Variants in MOB3B observed in about 807,000 individuals in gnomAD.
MOB3B encodes MOB kinase activator-like 2B.
Under a neutral mutation model 18.7 loss-of-function variants are expected in MOB3B, and 7 were observed. The observed-to-expected ratio is 0.37, with a 90% CI of 0.21 to 0.70. The LOEUF (loss-of-function observed/expected upper bound fraction) is 0.70, where lower values mean the gene tolerates loss of function less well. Among genes scored for constraint, MOB3B ranks in the 30% least tolerant of loss-of-function variants. The pLI is 0.52. For synonymous variants in MOB3B, 111 were observed against 99.9 expected (o/e 1.11, Z -0.66); for missense variants, 253 against 281.3 (o/e 0.90, Z 0.72).
chr9:27,413,324 G>T (rs1485998682), intron 2 of MOB3B, among the ~76,000 whole-genome samples: 1 of 152,014 alleles, frequency 6.6e-6, no homozygotes, highest in Admixed American at 6.5e-5. Context: ...TACTGAAATG[G>T]GACTTTTTTT....
At chr9:27,364,546 AAC>A (rs1306123971) in intron 2 of MOB3B, among the ~76,000 whole-genome samples, 4 of 152,220 alleles carry the variant, frequency 2.6e-5, no homozygotes, top group Admixed American at 6.5e-5. Flanking sequence ...ATTGATTTAA[AAC>A]ACAGAGTCTG....
chr9:27,420,868 GC>G (rs1262875063), intron 2 of MOB3B, among the ~76,000 whole-genome samples: 1 of 105,886 alleles, frequency 9.4e-6, no homozygotes, highest in African/African-American at 2.6e-5. Flanking sequence ...AATGGGTGCA[GC>G]AAAATCTCAC....
At chr9:27,361,543 G>A (rs1821274657) in intron 2 of MOB3B, among the ~76,000 whole-genome samples, 1 of 152,154 alleles carries the variant, frequency 6.6e-6, no homozygotes, top group Non-Finnish European at 1.5e-5. Context: ...CTCTGCCCAG[G>A]CCTTAAGACC....
rs552449725 is a variant in MOB3B, at chr9:27,395,702, C to T, written c.419-36466G>A. Among the ~76,000 whole-genome samples, 69 of 152,220 alleles carry T rather than the reference C, an allele frequency of 4.5e-4. 1 individual carries two copies. Among genetic ancestry groups the T allele is most frequent in the South Asian group, 6.2e-4 (3 of 4,822 alleles). On this transcript the variant is annotated intron_variant, in intron 2 of 3. Transcript: ENST00000262244. Reference sequence around the variant, plus strand: ...TCCTTTGTGTTTCTGTTTTCTTTTTCCTCCTCTACTTGCTAAGAAAGGCAA... The same window carrying T: ...TCCTTTGTGTTTCTGTTTTCTTTTTTCTCCTCTACTTGCTAAGAAAGGCAA...
In MOB3B at chr9:27,392,860, A is replaced by G. The variant is rs927264050; in HGVS notation, c.419-33624T>C. ...TCGTCATGACTATTAATGACCTTAC[A>G]TGGATTAATCAACTGACATACAGAA... is the stretch of plus-strand genomic sequence containing the variant. On this transcript the variant is annotated intron_variant, in intron 2 of 3. Coordinates refer to ENST00000262244, the MANE Select transcript of MOB3B (RefSeq NM_024761.5). 5.9e-5 allele frequency among the ~76,000 whole-genome samples: 9 copies of G among 152,312 alleles called. No individual in the cohort carries two copies. The East Asian group carries it at 7.7e-4, about 13-fold the overall frequency.
intron 2 of MOB3B, among the ~76,000 whole-genome samples, chr9:27,452,397 G>A (rs1038756039): frequency 2.6e-5 from 4 of 152,204 alleles, no homozygotes; most frequent in Admixed American, 2.6e-4. Context: ...ACTAGACAGA[G>A]AAGTGAGTGA....
intron 3 of MOB3B, among the ~76,000 whole-genome samples, chr9:27,353,178 G>T (rs1258268302): frequency 2.0e-5 from 3 of 152,174 alleles, no homozygotes; most frequent in African/African-American, 7.2e-5. Context: ...TCAACGTGTG[G>T]TCTGGGAACC....
At position 27,350,050 on chromosome 9, in the gene MOB3B, C is replaced by T. The variant is rs536436708; in HGVS notation, c.621+8984G>A. On this transcript the variant is annotated intron_variant, in intron 3 of 3. Coordinates refer to ENST00000262244, the MANE Select transcript of MOB3B (RefSeq NM_024761.5). ...GATATCCAATACAATAGCCACTAGA[C>T]ATGTGGCTTTTGAGCACTTAACATG... is the stretch of plus-strand genomic sequence containing the variant. Among the ~76,000 whole-genome samples the T allele has an allele frequency of 3.3e-5, 5 of 152,256 alleles. No homozygotes were observed. The East Asian group carries it at 7.7e-4, about 24-fold the overall frequency.
chr9:27,379,588 G>C (rs1388811025), intron 2 of MOB3B, among the ~76,000 whole-genome samples: 1 of 152,110 alleles, frequency 6.6e-6, no homozygotes, highest in Non-Finnish European at 1.5e-5. Flanking sequence ...GGGCTGTGAG[G>C]GCTGCAGATC....
At chr9:27,336,968 G>A (rs549945515) in intron 3 of MOB3B, among the ~76,000 whole-genome samples, 2 of 152,332 alleles carry the variant, frequency 1.3e-5, no homozygotes, top group African/African-American at 2.4e-5. Flanking sequence ...GGTATTGCAC[G>A]TTTCACAAAG....
chr9:27,369,776 A>C (rs1587161246), intron 2 of MOB3B, among the ~76,000 whole-genome samples: 1 of 152,106 alleles, frequency 6.6e-6, no homozygotes. Flanking sequence ...CAGCTTCTCC[A>C]TTTCGCCTGA....
chr9:27,476,006 A>T (rs771235909), intron 1 of MOB3B, among the ~76,000 whole-genome samples: 2 of 152,310 alleles, frequency 1.3e-5, no homozygotes, highest in Middle Eastern at 6.8e-3. Flanking sequence ...ATGGCTTCCC[A>T]TCACACTCAG....
chr9:27,459,173 C>T (rs536538885), intron 1 of MOB3B, among the ~76,000 whole-genome samples: 1 of 152,308 alleles, frequency 6.6e-6, no homozygotes, highest in Admixed American at 6.5e-5. Flanking sequence ...AAAAAGGGAA[C>T]TGTAAATGCA....
intron 3 of MOB3B, among the ~76,000 whole-genome samples, chr9:27,335,922 A>G (rs898766458): frequency 1.3e-5 from 2 of 152,182 alleles, no homozygotes; most frequent in Non-Finnish European, 2.9e-5. Flanking sequence ...ATTTGTGTAG[A>G]CCCTGGTGCT....
In MOB3B at chr9:27,463,088, G is replaced by A. The variant is rs1819318589; in HGVS notation, c.-198-7340C>T. On this transcript the variant is annotated intron_variant, in intron 1 of 3. Transcript: ENST00000262244. Reference sequence around the variant, plus strand: ...TAGCAAGTACTGAATATAGTATAGTGGTTGTTGCTATCATCATGTTCATCA... The same window carrying A: ...TAGCAAGTACTGAATATAGTATAGTAGTTGTTGCTATCATCATGTTCATCA... Among the ~76,000 whole-genome samples, 2 of 152,032 alleles carry A rather than the reference G, an allele frequency of 1.3e-5. 1 individual carries two copies. The highest frequency in any genetic ancestry group is 4.2e-4 in the South Asian group (2 of 4,814).
intron 3 of MOB3B, among the ~76,000 whole-genome samples, chr9:27,344,816 G>C (rs553865943): frequency 6.6e-6 from 1 of 152,226 alleles, no homozygotes; most frequent in Non-Finnish European, 1.5e-5. Context: ...GAGCACTCTG[G>C]TCCTTTCCAC....
chr9:27,390,218 G>A (rs948744040), intron 2 of MOB3B, among the ~76,000 whole-genome samples: 4 of 152,032 alleles, frequency 2.6e-5, no homozygotes, highest in Non-Finnish European at 5.9e-5. Context: ...CTCCTGAGTA[G>A]CTGAGATCAC....
chr9:27,516,140 G>C lies in MOB3B; in HGVS notation c.-199+13415C>G, dbSNP rs1454939893. 2.6e-5 allele frequency among the ~76,000 whole-genome samples: 4 copies of C among 152,216 alleles called. No homozygotes were observed. In the East Asian group the frequency reaches 7.7e-4, roughly 29 times the overall value. ...AGAGGCAAGGAAGGATTCTTGTTTA[G>C]AGGCTTTGGCAGAAGCATTATCATG... On this transcript the variant is annotated intron_variant, in intron 1 of 3. Coordinates refer to ENST00000262244, the MANE Select transcript of MOB3B (RefSeq NM_024761.5).
chr9:27,394,763 G>A (rs568816698), intron 2 of MOB3B, among the ~76,000 whole-genome samples: 1 of 150,290 alleles, frequency 6.7e-6, no homozygotes, highest in South Asian at 2.1e-4. Context: ...CTTCTTAACT[G>A]ACTTTTTTTT....
Sources: gnomAD v4.1 joint callset for allele counts (sites outside exome capture counted in the v4.1 genomes callset) on GRCh38, gnomAD v4.1.1 for gene constraint, MANE v1.5 for transcripts, NCBI Gene and HGNC (gene_info 2026-07-23, HGNC 2026-07-21) for gene names.